The following STK32A variants were observed in gnomAD, a reference collection of about 807,000 sequenced individuals.
STK32A encodes the protein serine/threonine kinase 32A.
A neutral mutation model predicts 53.2 loss-of-function variants in STK32A; 41 were observed. That is an observed-to-expected ratio of 0.77 (90% confidence interval 0.60 to 1.00). The LOEUF (loss-of-function observed/expected upper bound fraction) is 1.00, where lower values mean the gene tolerates loss of function less well. Among genes scored for constraint, STK32A ranks in the 50% least tolerant of loss-of-function variants. STK32A has a pLI of 0.00. For synonymous variants in STK32A, 166 were observed against 162.8 expected, an observed-to-expected ratio of 1.02 and a Z score of -0.15; for missense variants, 458 against 485.8, an observed-to-expected ratio of 0.94 and a Z score of 0.54.
rs973066361 is a variant in STK32A at position 147,348,522 on chromosome 5, C to T, written c.473-2543C>T. ...GTGATGCTGATGCTGCTGATCTGGG[C>T]ACTACATTGTAGGAATCAATTGGCT... is the stretch of plus-strand genomic sequence containing the variant. On this transcript the variant is annotated intron_variant, in intron 6 of 12. Coordinates refer to ENST00000397936, the MANE Select transcript of STK32A (RefSeq NM_001112724.2). Among the ~76,000 whole-genome samples, 8 of 152,162 alleles carry T rather than the reference C, an allele frequency of 5.3e-5. 1 individual carries two copies.
chr5:147,349,481 G>C lies in STK32A; in HGVS notation c.473-1584G>C, dbSNP rs118026631. ...CAAGATTCTCTGAAAGCAGTTGACT[G>C]TCATGCCAACAGCTAACATAATAGG... On this transcript the variant is annotated intron_variant, in intron 6 of 12. Transcript: ENST00000397936. Among the ~76,000 whole-genome samples the C allele has an allele frequency of 7.9e-5, 12 of 152,260 alleles. No individual in the cohort carries two copies. In the East Asian group the frequency reaches 2.1e-3, roughly 27 times the overall value.
Position 147,370,704 on chromosome 5 carries a change from G to A in STK32A, c.711G>A (p.Thr237=), listed in dbSNP as rs1284579138. 9 of 1,612,386 alleles carry A rather than the reference G, an allele frequency of 5.6e-6. No individual in the cohort carries two copies. Among genetic ancestry groups the A allele is most frequent in the East Asian group, 2.2e-5 (1 of 44,842 alleles). Reference sequence around the variant, plus strand: ...CTTCCAGCAAGGAAATTGTACACACGTTTGAGACGACTGTTGTAACTTACC... The same window carrying A: ...CTTCCAGCAAGGAAATTGTACACACATTTGAGACGACTGTTGTAACTTACC... ...SSTSSKEIVH[T]FETTVVTYPS... is the part of the protein sequence containing the mutation. The change falls in exon 9 of 13, where the codon ACG becomes ACA. Residue 237 remains threonine (T), a synonymous_variant. Transcript: ENST00000397936.
chr5:147,239,228 T>C (rs1753459384), intron 1 of STK32A, among the ~76,000 whole-genome samples: 1 of 152,226 alleles, frequency 6.6e-6, no homozygotes, highest in Non-Finnish European at 1.5e-5. Context: ...AAAATCAGCA[T>C]ATTTTCTCAA....
chr5:147,377,821 G>T (rs941974752), intron 11 of STK32A, among the ~76,000 whole-genome samples: 1 of 152,038 alleles, frequency 6.6e-6, no homozygotes, highest in African/African-American at 2.4e-5. Context: ...GACAAAGTTG[G>T]TTTTGACAGT....
intron 7 of STK32A, among the ~76,000 whole-genome samples, chr5:147,355,792 G>GTGTATA: frequency 6.8e-6 from 1 of 147,848 alleles, no homozygotes; most frequent in East Asian, 2.0e-4. Context: ...GTGTGTGTGT[G>GTGTATA]TATATATATA....
chr5:147,392,828 T>G (rs1012194075), downstream of STK32A: 1 of 152,214 alleles, frequency 6.6e-6, no homozygotes, highest in Non-Finnish European at 1.5e-5. Context: ...AATGGAAAGG[T>G]GGAACCAGGT....
At chr5:147,309,456 C>G (rs1753582576) in intron 4 of STK32A, among the ~76,000 whole-genome samples, 1 of 152,066 alleles carries the variant, frequency 6.6e-6, no homozygotes, top group African/African-American at 2.4e-5. Flanking sequence ...AAGAATCTAT[C>G]CTGCAGATTT....
rs555697772 is a variant in STK32A, at chr5:147,245,042, C to T, written c.52+5356C>T. Reference sequence around the variant, plus strand: ...GTTTCTATTGACTGGATTAACAGAACGGCAGATTTTATGGATTCTGTTAAA... The same window carrying T: ...GTTTCTATTGACTGGATTAACAGAATGGCAGATTTTATGGATTCTGTTAAA... On this transcript the variant is annotated intron_variant, in intron 2 of 12. Transcript: ENST00000397936. 2.4e-4 allele frequency among the ~76,000 whole-genome samples: 37 copies of T among 152,274 alleles called. No homozygotes were observed. The East Asian group carries it at 5.8e-3, about 24-fold the overall frequency.
intron 7 of STK32A, among the ~76,000 whole-genome samples, chr5:147,360,384 G>A (rs575161813): frequency 6.9e-6 from 1 of 145,176 alleles, no homozygotes; most frequent in East Asian, 2.1e-4. Context: ...CTGGGAGGTC[G>A]AGGCTGCAGT....
intron 2 of STK32A, among the ~76,000 whole-genome samples, chr5:147,263,999 GC>G (rs1254863165): frequency 6.6e-6 from 1 of 152,128 alleles, no homozygotes; most frequent in Non-Finnish European, 1.5e-5. Context: ...CTTCTCAACA[GC>G]AATGTGTGGA....
At chr5:147,251,989 G>A (rs1379841730) in intron 2 of STK32A, among the ~76,000 whole-genome samples, 3 of 151,980 alleles carry the variant, frequency 2.0e-5, no homozygotes, top group African/African-American at 7.3e-5. Context: ...GATCGCTGGA[G>A]CCCAGGAGTT....
At chr5:147,278,312 G>T in intron 3 of STK32A, 133 bp downstream of exon 3, 1 of 772,538 alleles carries the variant, frequency 1.3e-6, no homozygotes, top group Non-Finnish European at 2.1e-6. Flanking sequence ...TTTTTGTAAT[G>T]GATTTTTATA....
chr5:147,335,471 C>G (rs1343557521), intron 5 of STK32A, among the ~76,000 whole-genome samples: 1 of 152,186 alleles, frequency 6.6e-6, no homozygotes, highest in Non-Finnish European at 1.5e-5. Flanking sequence ...GTGGCCACTT[C>G]ATCCTCAGCT....
intron 4 of STK32A, among the ~76,000 whole-genome samples, chr5:147,315,566 T>C (rs1231369794): frequency 1.3e-5 from 2 of 151,440 alleles, no homozygotes; most frequent in African/African-American, 4.9e-5. Context: ...TTACCAGGAG[T>C]TGGAGAGGAG....
intron 2 of STK32A, among the ~76,000 whole-genome samples, chr5:147,271,067 C>T (rs922115963): frequency 6.6e-6 from 1 of 151,886 alleles, no homozygotes; most frequent in Non-Finnish European, 1.5e-5. Flanking sequence ...ACAGTCTTGG[C>T]TCACTGCAAT....
chr5:147,388,621 C>T (rs1373035134), downstream of STK32A, among the ~76,000 whole-genome samples: 1 of 152,154 alleles, frequency 6.6e-6, no homozygotes, highest in Non-Finnish European at 1.5e-5. Context: ...TCCCCCATCT[C>T]CTGCTCATGG....
intron 8 of STK32A, among the ~76,000 whole-genome samples, chr5:147,368,203 A>G (rs534414078): frequency 2.0e-5 from 3 of 152,378 alleles, no homozygotes; most frequent in South Asian, 4.1e-4. Context: ...GTGTTAACTT[A>G]GGATAGATGT....
intron 1 of STK32A, among the ~76,000 whole-genome samples, chr5:147,236,175 A>G (rs1040351538): frequency 9.2e-5 from 14 of 152,028 alleles, no homozygotes; most frequent in African/African-American, 3.4e-4. Flanking sequence ...CCTGTTGACA[A>G]CCCCCAAATT....
Position 147,324,094 on chromosome 5 carries a change from G to A in STK32A, c.434+23G>A, listed in dbSNP as rs114270198. 1.4e-3 allele frequency: 2,225 copies of A among 1,576,898 alleles called. 35 individuals carry two copies. In the African/African-American group the frequency reaches 0.027, roughly 19 times the overall value. ...CAGGTCAGTCAAGTCCAAGGAGATG[G>A]CCATGAACGTAACGCAAGGAGAGAA... On this transcript the variant is annotated intron_variant, in intron 5 of 12. Coordinates refer to ENST00000397936, the MANE Select transcript of STK32A (RefSeq NM_001112724.2).
Sources: gnomAD v4.1 joint callset for allele counts (sites outside exome capture counted in the v4.1 genomes callset) on GRCh38, gnomAD v4.1.1 for gene constraint, MANE v1.5 for transcripts, NCBI Gene and HGNC (gene_info 2026-07-23, HGNC 2026-07-21) for gene names.